RAPGEF5: variants seen among roughly 807,000 people sequenced by gnomAD.
The protein encoded by RAPGEF5 is Rap guanine nucleotide exchange factor 5, also known as M-Ras-regulated GEF.
RAPGEF5 carries 65 observed loss-of-function variants against 125.2 expected under a neutral mutation model. The observed-to-expected ratio is 0.52, with a 90% CI of 0.43 to 0.64. The LOEUF (loss-of-function observed/expected upper bound fraction) is 0.64, where lower values mean the gene tolerates loss of function less well. Among genes scored for constraint, RAPGEF5 ranks in the 30% least tolerant of loss-of-function variants. The pLI is 0.00. For synonymous variants in RAPGEF5, 391 were observed against 385.9 expected, an observed-to-expected ratio of 1.01 and a Z score of -0.16; for missense variants, 958 against 1,048.1, an observed-to-expected ratio of 0.91 and a Z score of 1.19.
chr7:22,148,663 A>G (rs144058732), intron 18 of RAPGEF5, among the ~76,000 whole-genome samples: 1 of 152,252 alleles, frequency 6.6e-6, no homozygotes, highest in Non-Finnish European at 1.5e-5. Context: ...CTTGGAACAT[A>G]TTTCACAGCA....
rs113117094 is a variant in RAPGEF5 at position 22,230,969 on chromosome 7, C to T, written c.797-50G>A. Reference sequence around the variant, plus strand: ...CAAATGTATCATCATACAAAAAATGCTTCAGATAATTTTCTTTCAGATCGC... The same window carrying T: ...CAAATGTATCATCATACAAAAAATGTTTCAGATAATTTTCTTTCAGATCGC... On this transcript the variant is annotated intron_variant, in intron 7 of 25. Coordinates refer to ENST00000665637, the MANE Select transcript of RAPGEF5 (RefSeq NM_012294.5). The T allele has an allele frequency of 4.9e-5, 74 of 1,506,912 alleles. 2 individuals carry two copies. The African/African-American group carries it at 7.2e-4, about 15-fold the overall frequency. 93.3% of individuals were successfully genotyped at this position (1,506,912 alleles called of 1,614,324 possible). A position where few individuals can be genotyped will look rare whatever the true frequency, so the allele number is the denominator to read the frequency against.
Position 22,220,080 on chromosome 7 carries a change from A to T in RAPGEF5, c.871-89T>A, listed in dbSNP as rs562113216. The T allele has an allele frequency of 5.9e-5, 86 of 1,446,788 alleles. No homozygotes were observed. In the African/African-American group the frequency reaches 9.3e-4, roughly 16 times the overall value. 89.6% of individuals were successfully genotyped at this position (1,446,788 alleles called of 1,614,324 possible). ...GCAAAGTTCACCTTATAATAAGCTC[A>T]TCTTTTCCACTGCCTGGATTAAATC... On this transcript the variant is annotated intron_variant, in intron 8 of 25. Coordinates refer to ENST00000665637, the MANE Select transcript of RAPGEF5 (RefSeq NM_012294.5).
chr7:22,203,083 T>C (rs1415710849), intron 9 of RAPGEF5, among the ~76,000 whole-genome samples: 1 of 152,138 alleles, frequency 6.6e-6, no homozygotes, highest in Non-Finnish European at 1.5e-5. Flanking sequence ...ACAAATAACA[T>C]AAAATTTTTT....
intron 1 of RAPGEF5, among the ~76,000 whole-genome samples, chr7:22,346,976 A>G (rs1286858121): frequency 6.6e-6 from 1 of 152,206 alleles, no homozygotes; most frequent in Non-Finnish European, 1.5e-5. Context: ...AGGCATGTCT[A>G]TATCTAATGT....
chr7:22,257,280 A>G lies in RAPGEF5; in HGVS notation c.796+9684T>C, dbSNP rs1786785660. ...TTTCTTCTCCTTTAAAAAGTATTCA[A>G]TAGTTTTAAAAATAAGAAGCATACA... On this transcript the variant is annotated intron_variant, in intron 7 of 25. Transcript: ENST00000665637. 1.3e-5 allele frequency among the ~76,000 whole-genome samples: 2 copies of G among 152,352 alleles called. 1 individual carries two copies. Among genetic ancestry groups the G allele is most frequent in the South Asian group, 4.1e-4 (2 of 4,828 alleles).
intron 1 of RAPGEF5, among the ~76,000 whole-genome samples, chr7:22,344,468 G>A (rs1266774653): frequency 6.6e-6 from 1 of 152,098 alleles, no homozygotes; most frequent in African/African-American, 2.4e-5. Context: ...GATTGAGGAG[G>A]GACTGCCCAG....
In RAPGEF5 at chr7:22,166,091, A is replaced by G. The variant is rs569163880; in HGVS notation, c.1283+979T>C. On this transcript the variant is annotated intron_variant, in intron 12 of 25. Transcript: ENST00000665637. ...ATACATATATATGTATCATATATAT[A>G]TATATCATATATATATTTTAGAGAT... is the stretch of plus-strand genomic sequence containing the variant. Among the ~76,000 whole-genome samples, 113 of 147,164 alleles carry G rather than the reference A, an allele frequency of 7.7e-4. 1 individual carries two copies. The highest frequency in any genetic ancestry group is 3.4e-3 in the South Asian group (16 of 4,752).
chr7:22,322,714 C>T (rs1170501683), intron 1 of RAPGEF5, among the ~76,000 whole-genome samples: 1 of 152,054 alleles, frequency 6.6e-6, no homozygotes, highest in Non-Finnish European at 1.5e-5. Context: ...TCTCAACCCT[C>T]GATGTAAATA....
intron 2 of RAPGEF5, among the ~76,000 whole-genome samples, chr7:22,316,547 G>C (rs1331847510): frequency 7.2e-6 from 1 of 139,372 alleles, no homozygotes; most frequent in Non-Finnish European, 1.5e-5. Context: ...CTGGAGTTCA[G>C]TGGAAAGATC....
intron 15 of RAPGEF5, 105 bp downstream of exon 15, chr7:22,157,750 T>C: frequency 7.7e-7 from 1 of 1,295,682 alleles, no homozygotes; most frequent in African/African-American, 1.5e-5. Flanking sequence ...CTTGTCGTGT[T>C]CTGCTCGAGG....
At chr7:22,263,798 A>G (rs1782218322) in intron 7 of RAPGEF5, among the ~76,000 whole-genome samples, 3 of 152,068 alleles carry the variant, frequency 2.0e-5, no homozygotes, top group Admixed American at 6.6e-5. Flanking sequence ...CCAAAATACA[A>G]AGAATTAAAA....
At chr7:22,191,821 T>C (rs1437241285) in intron 11 of RAPGEF5, among the ~76,000 whole-genome samples, 1 of 152,132 alleles carries the variant, frequency 6.6e-6, no homozygotes, top group Non-Finnish European at 1.5e-5. Flanking sequence ...CACAAACTAA[T>C]GACAATTAAA....
In RAPGEF5 at chr7:22,193,431, CG is replaced by C; in HGVS notation, c.1139del (p.Pro380ArgfsTer9). 1 of 1,594,504 alleles carries C rather than the reference CG, an allele frequency of 6.3e-7. No individual in the cohort carries two copies. Among genetic ancestry groups the C allele is most frequent in the South Asian group, 1.1e-5 (1 of 87,348 alleles). ...TCAAAAGGTGCTCCAAAATCTTCTC[CG>C]GGGTCCCGGACACCACCACATATCT... The part of the protein sequence containing the change: ...HWRYVVVSGT[P>X]EKILEHLLND... On this transcript the variant is annotated frameshift_variant, in exon 11 of 26. Transcript: ENST00000665637. LOFTEE classifies it high-confidence loss of function.
At chr7:22,237,927 G>A (rs910945571) in intron 7 of RAPGEF5, among the ~76,000 whole-genome samples, 4 of 152,160 alleles carry the variant, frequency 2.6e-5, no homozygotes, top group Non-Finnish European at 4.4e-5. Flanking sequence ...TGCAGTTTGT[G>A]GGGAGGGGGT....
intron 5 of RAPGEF5, among the ~76,000 whole-genome samples, chr7:22,301,495 G>A (rs967617170): frequency 6.6e-6 from 1 of 151,528 alleles, no homozygotes; most frequent in Non-Finnish European, 1.5e-5. Flanking sequence ...GGCGCCTGTA[G>A]TCCCAGCTAC....
At chr7:22,353,865 CAGAT>C (rs1339951076) in intron 1 of RAPGEF5, among the ~76,000 whole-genome samples, 2 of 151,966 alleles carry the variant, frequency 1.3e-5, no homozygotes, top group African/African-American at 4.8e-5. Flanking sequence ...TTCCTAGTAA[CAGAT>C]AGCCTACAAC....
At chr7:22,308,585 A>G in intron 4 of RAPGEF5, 78 bp from the exon 5 acceptor site, 3 of 1,201,602 alleles carry the variant, frequency 2.5e-6, no homozygotes, top group Non-Finnish European at 3.4e-6. Flanking sequence ...TGATAAATTG[A>G]AAGCCCTAAT....
intron 18 of RAPGEF5, among the ~76,000 whole-genome samples, chr7:22,149,144 G>C (rs1233520531): frequency 1.3e-5 from 2 of 152,296 alleles, no homozygotes; most frequent in South Asian, 4.1e-4. Context: ...CTCTCGTGGG[G>C]TTACTGGAAG....
rs1782496270 is a variant in RAPGEF5 at position 22,119,086 on chromosome 7, A to G, written c.*3320T>C. The G allele has an allele frequency of 6.6e-6, 1 of 152,224 alleles. No homozygotes were observed. The highest frequency in any genetic ancestry group is 2.4e-5 in the African/African-American group (1 of 41,452). The allele number at this position is 152,224 out of a possible 1,614,324, so 9.4% of individuals were successfully genotyped here. On this transcript the variant is annotated 3_prime_UTR_variant, in exon 26 of 26. Transcript: ENST00000665637. This position sits in a 1 kb window ranked among gnomAD's most constrained non-coding sequence, Gnocchi z 4.1. ...TGGATTGGCTGCGCCATTTAGGAAC[A>G]TTCAGTTCCGGATCTGCGGTGTCTG...
Sources: allele counts gnomAD v4.1 joint callset (sites outside exome capture counted in the v4.1 genomes callset), GRCh38; gene constraint gnomAD v4.1.1; non-coding constraint Gnocchi (gnomAD v3.1); transcripts MANE v1.5; gene names NCBI Gene and HGNC (gene_info 2026-07-23, HGNC 2026-07-21).